CLYBL: variants seen among roughly 807,000 people sequenced by gnomAD.
CLYBL encodes citramalyl-CoA lyase.
CLYBL carries 31 observed loss-of-function variants against 38.9 expected under a neutral mutation model. That is an observed-to-expected ratio of 0.80 (90% CI 0.60 to 1.08). The LOEUF is 1.08. Ranked by LOEUF, CLYBL falls within the 50% of genes least tolerant of loss-of-function variation. The probability of loss-of-function intolerance (pLI) is 0.00; values close to 1 mark genes in which losing one functional copy is unlikely to be tolerated. For synonymous variants in CLYBL, 171 were observed against 158.6 expected (o/e 1.08, Z -0.59); for missense variants, 434 against 411.6 (o/e 1.05, Z -0.47).
At chr13:99,901,204 A>G (rs1160973738), downstream of CLYBL, among the ~76,000 whole-genome samples, 2 of 152,174 alleles carry the variant, frequency 1.3e-5, no homozygotes, top group Non-Finnish European at 2.9e-5. Flanking sequence ...TCCATCCCCC[A>G]TGGGCACCGT....
intron 1 of CLYBL, among the ~76,000 whole-genome samples, chr13:99,651,694 G>A (rs866777508): frequency 1.3e-4 from 20 of 152,324 alleles, no homozygotes; most frequent in Non-Finnish European, 2.2e-4. Flanking sequence ...CACTTTGGGA[G>A]GGAGAGGTGG....
At chr13:99,704,684 C>T (rs534128303) in intron 1 of CLYBL, among the ~76,000 whole-genome samples, 12 of 152,154 alleles carry the variant, frequency 7.9e-5, no homozygotes, top group Admixed American at 2.6e-4. Context: ...GTTTGGGGGC[C>T]GTTTGACAGT....
intron 2 of CLYBL, among the ~76,000 whole-genome samples, chr13:99,780,071 TGAGA>T (rs763615009): frequency 3.9e-5 from 6 of 152,162 alleles, no homozygotes; most frequent in Non-Finnish European, 8.8e-5. Flanking sequence ...TGTCAAAAAT[TGAGA>T]GAGTCTAGTT....
chr13:99,706,647 G>GCT (rs1401916585), intron 1 of CLYBL, among the ~76,000 whole-genome samples: 16 of 152,062 alleles, frequency 1.1e-4, no homozygotes, highest in African/African-American at 3.6e-4. Flanking sequence ...AGTCCAAATT[G>GCT]CTCATGATGT....
intron 1 of CLYBL, among the ~76,000 whole-genome samples, chr13:99,677,682 A>G (rs1464599116): frequency 2.0e-5 from 3 of 152,262 alleles, no homozygotes; most frequent in African/African-American, 4.8e-5. Context: ...CATTGGAGAC[A>G]AGTCATTGTA....
chr13:99,817,868 G>A (rs2050492601), intron 2 of CLYBL, among the ~76,000 whole-genome samples: 1 of 151,910 alleles, frequency 6.6e-6, no homozygotes, highest in African/African-American at 2.4e-5. Context: ...GTCGGGCGTG[G>A]TGGCACACAC....
chr13:99,652,302 C>G (rs1235227959), intron 1 of CLYBL, among the ~76,000 whole-genome samples: 1 of 152,198 alleles, frequency 6.6e-6, no homozygotes, highest in Non-Finnish European at 1.5e-5. Context: ...AGTCAACAGC[C>G]AGTGACTGTT....
At chr13:99,875,858 G>T (rs1364981180) in intron 7 of CLYBL, among the ~76,000 whole-genome samples, 1 of 152,116 alleles carries the variant, frequency 6.6e-6, no homozygotes, top group African/African-American at 2.4e-5. Flanking sequence ...CTTAGTAATT[G>T]CACTTTTCTC....
intron 2 of CLYBL, among the ~76,000 whole-genome samples, chr13:99,807,457 C>T (rs939677627): frequency 3.3e-5 from 5 of 152,204 alleles, no homozygotes; most frequent in Non-Finnish European, 4.4e-5. Flanking sequence ...CACAGATGAA[C>T]GGGCAAACAA....
At chr13:99,689,448 G>T (rs947694248) in intron 1 of CLYBL, among the ~76,000 whole-genome samples, 3 of 152,322 alleles carry the variant, frequency 2.0e-5, no homozygotes, top group African/African-American at 7.2e-5. Context: ...ATTACTTAGT[G>T]CAGGTATGCT....
intron 7 of CLYBL, among the ~76,000 whole-genome samples, chr13:99,880,063 TATATA>T (rs2052158192): frequency 1.6e-5 from 1 of 63,314 alleles, no homozygotes; most frequent in African/African-American, 4.9e-5. Context: ...TATATATATA[TATATA>T]TTTTTTTTTT....
chr13:99,830,065 G>GGC (rs2050775192), intron 2 of CLYBL, among the ~76,000 whole-genome samples: 1 of 152,100 alleles, frequency 6.6e-6, no homozygotes, highest in Admixed American at 6.6e-5. Context: ...TTCAAGTCCT[G>GGC]GCTCTCCCCC....
intron 6 of CLYBL, among the ~76,000 whole-genome samples, chr13:99,866,913 A>G (rs1397258849): frequency 6.6e-6 from 1 of 151,960 alleles, no homozygotes; most frequent in East Asian, 1.9e-4. Context: ...CCCACCTCCC[A>G]GTAAGTGTCC....
At chr13:99,645,293 G>A (rs1265442223) in intron 1 of CLYBL, among the ~76,000 whole-genome samples, 4 of 152,172 alleles carry the variant, frequency 2.6e-5, no homozygotes, top group African/African-American at 2.4e-5. Context: ...TCAGGAGATC[G>A]AGACCATCCT....
intron 1 of CLYBL, among the ~76,000 whole-genome samples, chr13:99,696,260 T>G (rs1460008821): frequency 6.6e-6 from 1 of 151,682 alleles, no homozygotes; most frequent in Non-Finnish European, 1.5e-5. Context: ...AACCGAGTCT[T>G]ACTCTGTTGC....
At chr13:99,626,334 C>G (rs116534404) in intron 1 of CLYBL, among the ~76,000 whole-genome samples, 1 of 152,222 alleles carries the variant, frequency 6.6e-6, no homozygotes, top group Middle Eastern at 3.4e-3. Flanking sequence ...ACGTTGAGAG[C>G]GGGGGAGGTT....
At chr13:99,751,611 C>G (rs2048959249) in intron 1 of CLYBL, among the ~76,000 whole-genome samples, 1 of 152,148 alleles carries the variant, frequency 6.6e-6, no homozygotes, top group Non-Finnish European at 1.5e-5. Context: ...TTAGAGTAGT[C>G]AAATTCATAG....
At chr13:99,645,538 A>G (rs2047165332) in intron 1 of CLYBL, among the ~76,000 whole-genome samples, 1 of 150,442 alleles carries the variant, frequency 6.6e-6, no homozygotes. Context: ...GGGGTGTGAT[A>G]TCTTACCGTA....
In CLYBL at chr13:99,709,604, C is replaced by T. The variant is rs562298193; in HGVS notation, c.63-63220C>T. Among the ~76,000 whole-genome samples the T allele has an allele frequency of 1.6e-4, 25 of 152,276 alleles. No individual in the cohort carries two copies. In the East Asian group the frequency reaches 4.0e-3, roughly 25 times the overall value. On this transcript the variant is annotated intron_variant, in intron 1 of 8. Coordinates refer to ENST00000339105, the MANE Select transcript of CLYBL (RefSeq NM_206808.5). ...GGCTGTTTCATTCCTGTGTCTCTTCCTAAAAAGCTGCAGTTGAAAAGATAG... is the reference window on the plus strand; with the variant it reads ...GGCTGTTTCATTCCTGTGTCTCTTCTTAAAAAGCTGCAGTTGAAAAGATAG...
Sources: allele counts gnomAD v4.1 joint callset (sites outside exome capture counted in the v4.1 genomes callset), GRCh38; gene constraint gnomAD v4.1.1; transcripts MANE v1.5; gene names NCBI Gene and HGNC (gene_info 2026-07-23, HGNC 2026-07-21).